The following ETV1 variants were observed in gnomAD, a reference collection of about 807,000 sequenced individuals.
ETV1 encodes the protein ETS translocation variant 1.
ETV1 carries 27 observed loss-of-function variants against 62.3 expected under a neutral mutation model. That is an observed-to-expected ratio of 0.43 (90% CI 0.32 to 0.60). ETV1 has a LOEUF of 0.60. ETV1 is among the 20% of genes least tolerant of loss of function. ETV1 has a pLI of 0.06. For synonymous variants in ETV1, 222 were observed against 199.6 expected (o/e 1.11, Z -0.94); for missense variants, 605 against 605.8 (o/e 1.00, Z 0.01).
chr7:13,933,366 A>T (rs1469590502), intron 8 of ETV1, among the ~76,000 whole-genome samples: 1 of 152,224 alleles, frequency 6.6e-6, no homozygotes, highest in Non-Finnish European at 1.5e-5. Flanking sequence ...AGAGAAAGTG[A>T]TTCAAGAAGC....
At chr7:13,935,239 T>C (rs1376596861) in intron 8 of ETV1, among the ~76,000 whole-genome samples, 1 of 152,190 alleles carries the variant, frequency 6.6e-6, no homozygotes, top group Non-Finnish European at 1.5e-5. Context: ...CTGGAAAAGA[T>C]GGTCAACAGT....
chr7:13,924,055 T>A (rs1207132437), intron 9 of ETV1, among the ~76,000 whole-genome samples: 2 of 151,628 alleles, frequency 1.3e-5, no homozygotes, highest in Non-Finnish European at 2.9e-5. Flanking sequence ...ATTAAAAAAA[T>A]AAAATAAAAT....
At chr7:13,989,180 C>T in intron 2 of ETV1, 41 bp from the exon 3 acceptor site, 1 of 723,226 alleles carries the variant, frequency 1.4e-6, no homozygotes, top group South Asian at 1.8e-5. Context: ...AAAAAAAAAT[C>T]ATGAATGAAG....
chr7:13,944,777 A>C (rs1258296220), intron 6 of ETV1, among the ~76,000 whole-genome samples: 1 of 152,136 alleles, frequency 6.6e-6, no homozygotes, highest in African/African-American at 2.4e-5. Flanking sequence ...CAACACCAGA[A>C]TCTCTTATTT....
chr7:13,940,189 C>A (rs1473688489), intron 6 of ETV1, among the ~76,000 whole-genome samples: 2 of 151,748 alleles, frequency 1.3e-5, no homozygotes, highest in Non-Finnish European at 2.9e-5. Flanking sequence ...ATGGTGAAAC[C>A]CTGTCTCAAC....
At chr7:13,973,752 C>T (rs911011099) in intron 6 of ETV1, among the ~76,000 whole-genome samples, 2 of 151,872 alleles carry the variant, frequency 1.3e-5, no homozygotes, top group Non-Finnish European at 2.9e-5. Context: ...ATTTGTTAAA[C>T]TGTAAATATT....
At chr7:13,989,801 T>C, upstream of ETV1, 1 of 391,682 alleles carries the variant, frequency 2.6e-6, no homozygotes, top group Non-Finnish European at 4.5e-6. Flanking sequence ...TCAGGCGGCT[T>C]GCTGCCCCTT....
intron 5 of ETV1, 117 bp downstream of exon 5, chr7:13,986,521 G>C (rs1313862954): frequency 1.9e-6 from 3 of 1,554,416 alleles, no homozygotes; most frequent in Non-Finnish European, 2.6e-6. Context: ...TGACACATGA[G>C]GTGGCTCTTT....
intron 11 of ETV1, 80 bp from the exon 12 acceptor site, chr7:13,906,679 A>G: frequency 9.2e-7 from 1 of 1,084,270 alleles, no homozygotes; most frequent in Non-Finnish European, 1.3e-6. Context: ...ATCAATCACT[A>G]ATATGGTTAA....
chr7:13,925,923 A>G (rs1257955969), intron 9 of ETV1, among the ~76,000 whole-genome samples: 12 of 152,054 alleles, frequency 7.9e-5, no homozygotes, highest in Admixed American at 7.9e-4. Context: ...CATTGTTAAA[A>G]TATAAAATAT....
Position 13,895,016 on chromosome 7 carries a change from T to G in ETV1, c.*850A>C. 1 of 233,290 alleles carries G rather than the reference T, an allele frequency of 4.3e-6. No homozygotes were observed. Among genetic ancestry groups the G allele is most frequent in the Non-Finnish European group, 8.5e-6 (1 of 117,832 alleles). 14.5% of individuals were successfully genotyped at this position (233,290 alleles called of 1,614,324 possible). On this transcript the variant is annotated 3_prime_UTR_variant, in exon 14 of 14. Coordinates refer to ENST00000430479, the MANE Select transcript of ETV1 (RefSeq NM_004956.5). ...GGAGACAGATATTTTTTGCTTCATT[T>G]TGATTCCAGATTTAACATTTAAATG...
At chr7:13,989,909 T>A, upstream of ETV1, 1 of 283,092 alleles carries the variant, frequency 3.5e-6, no homozygotes, top group East Asian at 6.0e-5. Context: ...CGATTTCCTC[T>A]GTAACCCGCT....
chr7:13,954,475 G>A (rs541538808), intron 6 of ETV1, among the ~76,000 whole-genome samples: 131 of 152,130 alleles, frequency 8.6e-4, no homozygotes, highest in African/African-American at 2.6e-3. Flanking sequence ...TACTATTATC[G>A]TTCCATTCTT....
At chr7:13,960,413 T>C (rs1450014898) in intron 6 of ETV1, among the ~76,000 whole-genome samples, 1 of 152,202 alleles carries the variant, frequency 6.6e-6, no homozygotes, top group Non-Finnish European at 1.5e-5. Flanking sequence ...TCAATACTCA[T>C]CTATGTGCCA....
At chr7:13,946,683 T>G (rs151215750) in intron 6 of ETV1, among the ~76,000 whole-genome samples, 2 of 152,222 alleles carry the variant, frequency 1.3e-5, no homozygotes, top group Non-Finnish European at 2.9e-5. Flanking sequence ...GGTATACAAC[T>G]ACAGCTTTGG....
chr7:13,904,991 G>A (rs2128412263), intron 12 of ETV1, among the ~76,000 whole-genome samples: 1 of 149,090 alleles, frequency 6.7e-6, no homozygotes, highest in South Asian at 2.2e-4. Context: ...CTGACATTGA[G>A]TCTTCTGTGT....
At chr7:13,960,247 T>C (rs946682713) in intron 6 of ETV1, among the ~76,000 whole-genome samples, 121 of 152,288 alleles carry the variant, frequency 7.9e-4, no homozygotes, top group African/African-American at 2.8e-3. Context: ...ATTAATCAAA[T>C]GCAATCATCT....
chr7:13,919,475 G>T (rs1043717950), intron 9 of ETV1, among the ~76,000 whole-genome samples: 3 of 134,796 alleles, frequency 2.2e-5, no homozygotes, highest in South Asian at 2.4e-4. Flanking sequence ...TGTTCTTTTG[G>T]TTTTTTTTTT....
At chr7:13,950,898 G>GAA (rs2128471794) in intron 6 of ETV1, among the ~76,000 whole-genome samples, 1 of 91,828 alleles carries the variant, frequency 1.1e-5, no homozygotes, top group African/African-American at 5.5e-5. Context: ...GCTTCTCTAG[G>GAA]AACACACACA....
Sources: allele counts gnomAD v4.1 joint callset (sites outside exome capture counted in the v4.1 genomes callset), GRCh38; gene constraint gnomAD v4.1.1; transcripts MANE v1.5; gene names NCBI Gene and HGNC (gene_info 2026-07-23, HGNC 2026-07-21).